EPHA7: variants seen among roughly 807,000 people sequenced by gnomAD.
EPHA7 encodes the protein ephrin type-A receptor 7.
EPHA7 carries 25 observed loss-of-function variants against 112.6 expected under a neutral mutation model. The observed-to-expected ratio is 0.22, with a 90% CI of 0.16 to 0.31. The LOEUF (loss-of-function observed/expected upper bound fraction) is 0.31, where lower values mean the gene tolerates loss of function less well. Ranked by LOEUF, EPHA7 falls within the 10% of genes least tolerant of loss-of-function variation. The probability of loss-of-function intolerance (pLI) is 1.00; values close to 1 mark genes in which losing one functional copy is unlikely to be tolerated. For synonymous variants in EPHA7, 437 were observed against 406.5 expected (o/e 1.07, Z -0.90); for missense variants, 962 against 1,212.6 (o/e 0.79, Z 3.07).
In EPHA7 at chr6:93,272,226, T is replaced by G; in HGVS notation, c.1449+72A>C. 8 of 1,548,398 alleles carry G rather than the reference T, an allele frequency of 5.2e-6. 1 individual carries two copies. The South Asian group carries it at 9.4e-5, about 18-fold the overall frequency. Reference sequence around the variant, plus strand: ...CAAATTGTTGGCATAATGACCAACTTTAGTCTACAATACAGTAGGATGACA... The same window carrying G: ...CAAATTGTTGGCATAATGACCAACTGTAGTCTACAATACAGTAGGATGACA... On this transcript the variant is annotated intron_variant, in intron 6 of 16. Coordinates refer to ENST00000369303, the MANE Select transcript of EPHA7 (RefSeq NM_004440.4).
At chr6:93,280,422 C>G (rs1372433317) in intron 5 of EPHA7, among the ~76,000 whole-genome samples, 1 of 152,132 alleles carries the variant, frequency 6.6e-6, no homozygotes, top group Non-Finnish European at 1.5e-5. Flanking sequence ...GTCTAGTGGC[C>G]TCCACCAATA....
Position 93,282,301 on chromosome 6 carries a change from A to C in EPHA7, c.1325-9879T>G, listed in dbSNP as rs188801676. Among the ~76,000 whole-genome samples the C allele has an allele frequency of 4.5e-4, 68 of 152,368 alleles. 1 individual carries two copies. In the Middle Eastern group the frequency reaches 0.014, roughly 30 times the overall value. On this transcript the variant is annotated intron_variant, in intron 5 of 16. Transcript: ENST00000369303. ...ATTTATCCATTTAAATAAAACTTCC[A>C]TTACGGAACACTGAGTGCTTAATAG...
intron 5 of EPHA7, among the ~76,000 whole-genome samples, chr6:93,313,269 T>C (rs78685254): frequency 0.032 from 4,830 of 152,156 alleles, 280 homozygotes; most frequent in African/African-American, 0.11. Context: ...GATATTAATA[T>C]TATAAAAACA....
At chr6:93,271,938 T>A (rs1300796294) in intron 6 of EPHA7, among the ~76,000 whole-genome samples, 1 of 151,734 alleles carries the variant, frequency 6.6e-6, no homozygotes, top group Admixed American at 6.6e-5. Context: ...ACCATTAAGG[T>A]CCCAAACAGA....
chr6:93,291,491 G>A (rs1281631408), intron 5 of EPHA7, among the ~76,000 whole-genome samples: 4 of 152,070 alleles, frequency 2.6e-5, no homozygotes, highest in South Asian at 2.1e-4. Context: ...TTTCTGGGCC[G>A]GGCGCGGTGG....
At chr6:93,373,749 CT>C (rs566647611) in intron 3 of EPHA7, among the ~76,000 whole-genome samples, 5 of 147,544 alleles carry the variant, frequency 3.4e-5, no homozygotes, top group South Asian at 2.2e-4. Context: ...TGTCACTCTT[CT>C]TTTTTTTTTC....
chr6:93,353,054 T>C (rs1775774453), intron 5 of EPHA7, among the ~76,000 whole-genome samples: 1 of 152,102 alleles, frequency 6.6e-6, no homozygotes, highest in East Asian at 1.9e-4. Context: ...TTTGCCTATG[T>C]AACAAACCTG....
chr6:93,366,562 A>T (rs925638904), intron 3 of EPHA7, among the ~76,000 whole-genome samples: 1 of 152,174 alleles, frequency 6.6e-6, no homozygotes, highest in Non-Finnish European at 1.5e-5. Context: ...AGAAACATAC[A>T]GTACACCCAC....
chr6:93,406,599 A>G (rs1206371490), intron 3 of EPHA7, among the ~76,000 whole-genome samples: 1 of 151,862 alleles, frequency 6.6e-6, no homozygotes, highest in East Asian at 1.9e-4. Flanking sequence ...CAGTTTCTTC[A>G]TATGTTGAAA....
intron 3 of EPHA7, among the ~76,000 whole-genome samples, chr6:93,365,252 T>C (rs540520158): frequency 1.3e-5 from 2 of 152,226 alleles, no homozygotes; most frequent in Non-Finnish European, 2.9e-5. Context: ...TTATTAATTA[T>C]GAACTGTAAG....
chr6:93,416,813 C>T (rs1253829083), intron 1 of EPHA7, among the ~76,000 whole-genome samples: 2 of 151,866 alleles, frequency 1.3e-5, no homozygotes, highest in East Asian at 2.0e-4. Context: ...AGACTGGGGG[C>T]GCGCCCTGAC....
At chr6:93,353,503 G>A (rs1313473299) in intron 5 of EPHA7, among the ~76,000 whole-genome samples, 1 of 151,894 alleles carries the variant, frequency 6.6e-6, no homozygotes, top group African/African-American at 2.4e-5. Flanking sequence ...GTTATAATAC[G>A]TTAACTGCCA....
chr6:93,370,698 A>G (rs1776745705), intron 3 of EPHA7, among the ~76,000 whole-genome samples: 1 of 152,162 alleles, frequency 6.6e-6, no homozygotes, highest in Non-Finnish European at 1.5e-5. Context: ...ATATGTCTCT[A>G]AGACATACTA....
rs541616315 is a variant in EPHA7 at position 93,268,756 on chromosome 6, T to C, written c.1633+721A>G. On this transcript the variant is annotated intron_variant, in intron 7 of 16. Transcript: ENST00000369303. ...ATATCTGCTTACTTCTTATACACTA[T>C]ATATACACATGCATTTTTACTATAA... is the stretch of plus-strand genomic sequence containing the variant. Among the ~76,000 whole-genome samples, 8 of 151,880 alleles carry C rather than the reference T, an allele frequency of 5.3e-5. No individual in the cohort carries two copies. In the South Asian group the frequency reaches 1.7e-3, roughly 31 times the overall value.
intron 3 of EPHA7, among the ~76,000 whole-genome samples, chr6:93,363,133 A>AT (rs1317132085): frequency 6.6e-6 from 1 of 152,058 alleles, no homozygotes; most frequent in Non-Finnish European, 1.5e-5. Flanking sequence ...ATAGGACACT[A>AT]ATGTCTTGAC....
intron 5 of EPHA7, among the ~76,000 whole-genome samples, chr6:93,296,058 C>A (rs1314934137): frequency 4.0e-5 from 6 of 151,224 alleles, no homozygotes; most frequent in African/African-American, 1.5e-4. Context: ...ATATTTTATG[C>A]CTTTCTATAT....
intron 3 of EPHA7, among the ~76,000 whole-genome samples, chr6:93,400,608 GCTCA>G (rs1475447332): frequency 1.3e-5 from 2 of 151,992 alleles, no homozygotes; most frequent in African/African-American, 4.8e-5. Flanking sequence ...ATCACTCACT[GCTCA>G]CTGTGACCTC....
At chr6:93,262,506 G>C (rs1029818521) in intron 9 of EPHA7, among the ~76,000 whole-genome samples, 2 of 151,294 alleles carry the variant, frequency 1.3e-5, no homozygotes, top group African/African-American at 4.8e-5. Flanking sequence ...ACATAAATTT[G>C]CTACAGCACT....
intron 7 of EPHA7, among the ~76,000 whole-genome samples, chr6:93,265,340 G>A (rs62414224): frequency 0.068 from 10,367 of 151,588 alleles, 532 homozygotes; most frequent in Admixed American, 0.13. Context: ...CAAACTTTCT[G>A]CAAGTGCTTT....
Sources: allele counts gnomAD v4.1 joint callset (sites outside exome capture counted in the v4.1 genomes callset), GRCh38; gene constraint gnomAD v4.1.1; transcripts MANE v1.5; gene names NCBI Gene and HGNC (gene_info 2026-07-23, HGNC 2026-07-21).